The following PPP3CA variants were observed in gnomAD, a reference collection of about 807,000 sequenced individuals.
PPP3CA encodes the protein protein phosphatase 3 catalytic subunit alpha, also known as CAM-PRP catalytic subunit.
Under a neutral mutation model 66.5 loss-of-function variants are expected in PPP3CA, and 14 were observed. The observed-to-expected ratio is 0.21, with a 90% CI of 0.14 to 0.33. The LOEUF is 0.33. Among genes scored for constraint, PPP3CA ranks in the 10% least tolerant of loss-of-function variants. PPP3CA has a pLI of 1.00. For missense variants in PPP3CA, 317 were observed against 639.5 expected (o/e 0.50, Z 5.44); for synonymous variants, 232 against 226.2 (o/e 1.03, Z -0.23).
intron 1 of PPP3CA, among the ~76,000 whole-genome samples, chr4:101,198,603 C>A (rs548836830): frequency 1.3e-5 from 2 of 152,276 alleles, no homozygotes; most frequent in East Asian, 3.9e-4. Flanking sequence ...CACACATGCA[C>A]TTGCTGGCCT....
At chr4:101,252,622 C>G (rs2119599) in intron 1 of PPP3CA, among the ~76,000 whole-genome samples, 12,971 of 152,192 alleles carry the variant, frequency 0.085, 747 homozygotes, top group East Asian at 0.17. Context: ...ATTTTAGTTT[C>G]CAGATCCTCT....
chr4:101,035,387 A>ACTC (rs1307356976), intron 11 of PPP3CA, among the ~76,000 whole-genome samples: 1 of 151,960 alleles, frequency 6.6e-6, no homozygotes, highest in African/African-American at 2.4e-5. Flanking sequence ...TACCTACAAA[A>ACTC]CTCTTCTGGT....
Position 101,051,554 on chromosome 4 carries a change from C to T in PPP3CA, c.1156+9533G>A, listed in dbSNP as rs1022632756. On this transcript the variant is annotated intron_variant, in intron 10 of 13. Transcript: ENST00000394854. Reference sequence around the variant, plus strand: ...CTAGTTAACATTACTTACTACAGGCCTTTCTACAAAGAATGCCTCTTTCAC... The same window carrying T: ...CTAGTTAACATTACTTACTACAGGCTTTTCTACAAAGAATGCCTCTTTCAC... 5.3e-5 allele frequency among the ~76,000 whole-genome samples: 8 copies of T among 152,092 alleles called. No individual in the cohort carries two copies. The East Asian group carries it at 1.5e-3, about 29-fold the overall frequency.
intron 2 of PPP3CA, among the ~76,000 whole-genome samples, chr4:101,174,500 TACA>T (rs1413486156): frequency 3.3e-5 from 5 of 152,216 alleles, no homozygotes; most frequent in Admixed American, 2.0e-4. Context: ...TTGAATTAAG[TACA>T]ACATTTCTTC....
At chr4:101,163,745 C>G (rs1723596922) in intron 2 of PPP3CA, among the ~76,000 whole-genome samples, 1 of 152,014 alleles carries the variant, frequency 6.6e-6, no homozygotes, top group Non-Finnish European at 1.5e-5. Flanking sequence ...TTTAAAGTTT[C>G]TGGTTGATTT....
At chr4:101,050,148 T>A (rs1727945743) in intron 10 of PPP3CA, among the ~76,000 whole-genome samples, 1 of 152,016 alleles carries the variant, frequency 6.6e-6, no homozygotes, top group Non-Finnish European at 1.5e-5. Context: ...TTATTATAAA[T>A]ATATTATTAT....
intron 1 of PPP3CA, among the ~76,000 whole-genome samples, chr4:101,257,783 C>T (rs1163086815): frequency 1.3e-5 from 2 of 152,038 alleles, no homozygotes; most frequent in Non-Finnish European, 2.9e-5. Flanking sequence ...ACTGAATACG[C>T]ATTATTTGTA....
In PPP3CA at chr4:101,025,820, CAAAAAAAAAAAAA is replaced by C. The variant is rs35434632; in HGVS notation, c.*32_*44del. On this transcript the variant is annotated 3_prime_UTR_variant, in exon 14 of 14. Coordinates refer to ENST00000394854, the MANE Select transcript of PPP3CA (RefSeq NM_000944.5). ...GCAATCCCCATCATGCCCCGCAGCT[CAAAAAAAAAAAAA>C]AAAAAAAAAAAAAAAAGTGAACAGG... 52 of 479,352 alleles carry C rather than the reference CAAAAAAAAAAAAA, an allele frequency of 1.1e-4. No individual in the cohort carries two copies. Among genetic ancestry groups the C allele is most frequent in the African/African-American group, 2.7e-4 (5 of 18,386 alleles). 29.7% of individuals were successfully genotyped at this position (479,352 alleles called of 1,614,324 possible).
chr4:101,040,324 C>A (rs988416319), intron 11 of PPP3CA, among the ~76,000 whole-genome samples, 158 bp downstream of exon 11: 26 of 152,100 alleles, frequency 1.7e-4, no homozygotes, highest in Admixed American at 1.4e-3. Flanking sequence ...GAGAAACTGA[C>A]AATTTCTCAT....
intron 1 of PPP3CA, among the ~76,000 whole-genome samples, chr4:101,337,902 C>T (rs1029727147): frequency 6.6e-6 from 1 of 152,184 alleles, no homozygotes; most frequent in African/African-American, 2.4e-5. Flanking sequence ...GGAGAGGTGA[C>T]TCATGAGCAG....
chr4:101,192,625 T>C (rs139775484), intron 2 of PPP3CA, among the ~76,000 whole-genome samples: 3 of 152,286 alleles, frequency 2.0e-5, no homozygotes. Context: ...TGTGCTGTTA[T>C]CTCTGCTCAC....
intron 2 of PPP3CA, among the ~76,000 whole-genome samples, chr4:101,195,161 G>A (rs1438653371): frequency 6.6e-6 from 1 of 151,582 alleles, no homozygotes; most frequent in Non-Finnish European, 1.5e-5. Context: ...CCAGCTACTC[G>A]GGAGGTGGAG....
At chr4:101,186,369 TAC>T (rs1359807460) in intron 2 of PPP3CA, among the ~76,000 whole-genome samples, 3 of 152,180 alleles carry the variant, frequency 2.0e-5, no homozygotes, top group Admixed American at 1.3e-4. Flanking sequence ...CCAAATAATG[TAC>T]ACTTTGTTGG....
intron 6 of PPP3CA, among the ~76,000 whole-genome samples, chr4:101,091,068 AAT>A (rs1242974870): frequency 6.6e-6 from 1 of 152,138 alleles, no homozygotes; most frequent in Non-Finnish European, 1.5e-5. Context: ...CTCTGCTTAG[AAT>A]ATGATTTGAA....
At chr4:101,302,164 A>C (rs1728399697) in intron 1 of PPP3CA, among the ~76,000 whole-genome samples, 1 of 152,174 alleles carries the variant, frequency 6.6e-6, no homozygotes, top group Non-Finnish European at 1.5e-5. Context: ...GAGTAATCTC[A>C]TTTGTAAATT....
chr4:101,279,810 A>G (rs1470532137), intron 1 of PPP3CA, among the ~76,000 whole-genome samples: 2 of 152,236 alleles, frequency 1.3e-5, no homozygotes, highest in African/African-American at 4.8e-5. Context: ...TTCCAAGAAG[A>G]AGCTAGAATG....
chr4:101,121,232 AAC>A (rs147140991), intron 2 of PPP3CA, among the ~76,000 whole-genome samples: 6,067 of 152,188 alleles, frequency 0.04, 201 homozygotes, highest in Middle Eastern at 0.11. Context: ...AGAAAATTGA[AAC>A]ACATATTCAT....
intron 1 of PPP3CA, among the ~76,000 whole-genome samples, chr4:101,207,918 C>G (rs550703511): frequency 5.9e-5 from 9 of 152,178 alleles, no homozygotes; most frequent in Admixed American, 4.6e-4. Flanking sequence ...AATGTTAATT[C>G]CCATGATATA....
chr4:101,188,968 G>A (rs181011594), intron 2 of PPP3CA, among the ~76,000 whole-genome samples: 81 of 152,218 alleles, frequency 5.3e-4, no homozygotes, highest in African/African-American at 1.7e-3. Flanking sequence ...TAAACTAGCT[G>A]CATGAAAAAT....
Sources: gnomAD v4.1 joint callset for allele counts (sites outside exome capture counted in the v4.1 genomes callset) on GRCh38, gnomAD v4.1.1 for gene constraint, MANE v1.5 for transcripts, NCBI Gene and HGNC (gene_info 2026-07-23, HGNC 2026-07-21) for gene names.